The following AKAP12 variants were observed in gnomAD, a reference collection of about 807,000 sequenced individuals.
AKAP12 encodes the protein A-kinase anchoring protein 12.
A neutral mutation model predicts 79.9 loss-of-function variants in AKAP12; 32 were observed. The ratio of observed to expected loss-of-function variants is 0.40; its 90% CI spans 0.30 to 0.54. AKAP12 has a LOEUF of 0.54. Among genes scored for constraint, AKAP12 ranks in the 20% least tolerant of loss-of-function variants. The pLI is 0.48. For missense variants in AKAP12, 2,074 were observed against 2,177.0 expected, an observed-to-expected ratio of 0.95 and a Z score of 0.94; for synonymous variants, 808 against 857.0, an observed-to-expected ratio of 0.94 and a Z score of 1.00.
intron 2 of AKAP12, among the ~76,000 whole-genome samples, chr6:151,271,010 G>C (rs77350351): frequency 6.6e-6 from 1 of 152,114 alleles, no homozygotes; most frequent in South Asian, 2.1e-4. Flanking sequence ...CTTCTAGTTT[G>C]GGGAGTTAGT....
chr6:151,319,527 G>GATAGATATAT (rs1777320712), intron 3 of AKAP12: 1 of 101,272 alleles, frequency 9.9e-6, no homozygotes, highest in African/African-American at 4.0e-5. Flanking sequence ...TCTCTATATA[G>GATAGATATAT]ATATATATAT....
chr6:151,248,625 A>T (rs375456807), intron 2 of AKAP12, among the ~76,000 whole-genome samples: 6 of 152,162 alleles, frequency 3.9e-5, no homozygotes, highest in African/African-American at 1.4e-4. Flanking sequence ...TTTCCTTCAC[A>T]CATCTGGAGG....
At chr6:151,275,473 C>T (rs756052435) in intron 2 of AKAP12, among the ~76,000 whole-genome samples, 4 of 152,054 alleles carry the variant, frequency 2.6e-5, no homozygotes, top group Non-Finnish European at 5.9e-5. Context: ...ACAAATCTAC[C>T]CTCCAAGAAG....
chr6:151,264,368 T>TAA lies in AKAP12; in HGVS notation c.162+23663_162+23664dup, dbSNP rs11324571. On this transcript the variant is annotated intron_variant, in intron 2 of 4. Coordinates refer to ENST00000402676, the MANE Select transcript of AKAP12 (RefSeq NM_005100.4). ...TATACCTGGCCAAGACCCCACCTCT[T>TAA]AAAAAAAAAAAAAAAAAAAAGCTTG... Among the ~76,000 whole-genome samples, 47 of 104,692 alleles carry TAA rather than the reference T, an allele frequency of 4.5e-4. No individual in the cohort carries two copies. In the South Asian group the frequency reaches 6.3e-3, roughly 14 times the overall value. The allele number at this position is 104,692 out of a possible 152,430, so 68.7% of individuals were successfully genotyped here.
intron 2 of AKAP12, among the ~76,000 whole-genome samples, chr6:151,266,139 C>T (rs1797545250): frequency 6.6e-6 from 1 of 152,214 alleles, no homozygotes; most frequent in Non-Finnish European, 1.5e-5. Context: ...TCTCCTTGGC[C>T]TTGCCAGGGT....
Position 151,240,594 on chromosome 6 carries a change from G to C in AKAP12, c.32G>C (p.Ser11Thr), listed in dbSNP as rs1242548889. 7 of 1,428,278 alleles carry C rather than the reference G, an allele frequency of 4.9e-6. No homozygotes were observed. The African/African-American group carries it at 9.0e-5, about 18-fold the overall frequency. The allele number at this position is 1,428,278 out of a possible 1,614,324, so 88.5% of individuals were successfully genotyped here. The change falls in exon 2 of 5, where the codon AGC becomes ACC. Residue 11 changes from serine (S) to threonine (T), a missense_variant. This residue lies in a region of AKAP12 where 1,428 missense variants were observed against 1,451.0 expected (regional missense o/e 0.98). Coordinates refer to ENST00000402676, the MANE Select transcript of AKAP12 (RefSeq NM_005100.4). ...GCCGGGAGCTCCACCGAGCAGCGCA[G>C]CCCGGAGCAGCCGCCCGAGGGGAGC... MGAGSSTEQR[S>T]PEQPPEGSST...
At chr6:151,266,959 G>T (rs532472797) in intron 2 of AKAP12, among the ~76,000 whole-genome samples, 1 of 144,424 alleles carries the variant, frequency 6.9e-6, no homozygotes, top group African/African-American at 2.6e-5. Context: ...GGAGCCTGCC[G>T]TGAGCCGAGA....
At chr6:151,258,758 A>G (rs1022271866) in intron 2 of AKAP12, among the ~76,000 whole-genome samples, 5 of 150,284 alleles carry the variant, frequency 3.3e-5, no homozygotes, top group African/African-American at 1.2e-4. Flanking sequence ...CCTCCTGAGT[A>G]GCTGGGCTTA....
At chr6:151,240,802 ATTTCCGCC>A (rs2114669506) in intron 2 of AKAP12, 78 bp downstream of exon 2, 1 of 971,020 alleles carries the variant, frequency 1.0e-6, no homozygotes, top group East Asian at 4.1e-5. Context: ...GGTCCCTCCG[ATTTCCGCC>A]GAGAGAACTT....
At chr6:151,312,684 T>A (rs557112455) in intron 3 of AKAP12, among the ~76,000 whole-genome samples, 2 of 149,382 alleles carry the variant, frequency 1.3e-5, no homozygotes, top group Non-Finnish European at 3.0e-5. Context: ...CCCAGCCACT[T>A]GGGAGGCTGA....
intron 3 of AKAP12, chr6:151,324,633 T>C (rs1777479029): frequency 1.0e-6 from 1 of 985,376 alleles, no homozygotes; most frequent in African/African-American, 1.7e-5. Context: ...CCTTTTTGTT[T>C]GTGTAGGGGA....
Position 151,350,982 on chromosome 6 carries a change from A to G in AKAP12, c.2591A>G (p.Gln864Arg). The change falls in exon 4 of 5, where the codon CAA (glutamine) becomes CGA (arginine). Residue 864 changes from glutamine (Q) to arginine (R), a missense_variant. Gln to Arg is a conservative substitution (Grantham distance 43, BLOSUM62 1). This residue lies in a region of AKAP12 where 1,428 missense variants were observed against 1,451.0 expected (regional missense o/e 0.98). Transcript: ENST00000402676. The surrounding 1 kb of genome is among the most constrained non-coding windows in gnomAD (Gnocchi z 4.8). ...GAAAGGGAGAAAATGGAGGCACAGC[A>G]AGCCCAAAAAAGCGCAGAGCAGCCC... ...AVEREKMEAQ[Q>R]AQKSAEQPEQ... is the part of the protein sequence containing the mutation. The G allele has an allele frequency of 6.2e-7, 1 of 1,614,058 alleles. No homozygotes were observed. The highest frequency in any genetic ancestry group is 1.1e-5 in the South Asian group (1 of 91,076).
chr6:151,252,289 C>T (rs996827213), intron 2 of AKAP12, among the ~76,000 whole-genome samples: 6 of 151,918 alleles, frequency 3.9e-5, no homozygotes, highest in Non-Finnish European at 7.4e-5. Context: ...CCCCCGCCTC[C>T]CGGGTTCAAG....
intron 2 of AKAP12, among the ~76,000 whole-genome samples, chr6:151,247,139 A>G (rs374219230): frequency 6.6e-6 from 1 of 151,930 alleles, no homozygotes; most frequent in South Asian, 2.1e-4. Context: ...GTGGGGGCTC[A>G]CACCTGTAAT....
In AKAP12 at chr6:151,351,573, G is replaced by A; in HGVS notation, c.3182G>A (p.Gly1061Glu). The change falls in exon 4 of 5, where the codon GGG becomes GAG. Residue 1061 changes from glycine to glutamate, a missense_variant. Coordinates refer to ENST00000402676, the MANE Select transcript of AKAP12 (RefSeq NM_005100.4). The surrounding 1 kb of genome is among the most constrained non-coding windows in gnomAD (Gnocchi z 4.4). ...KEESQLPGTG[G>E]PEDVLQPVQR... ...GAATCCCAGCTGCCTGGCACCGGTG[G>A]GCCAGAAGATGTGCTTCAGCCTGTG... is the stretch of plus-strand genomic sequence containing the variant. 6.2e-7 allele frequency: 1 copy of A among 1,614,138 alleles called. No homozygotes were observed. The highest frequency in any genetic ancestry group is 2.2e-5 in the East Asian group (1 of 44,884).
intron 3 of AKAP12, among the ~76,000 whole-genome samples, chr6:151,339,774 G>T (rs1777902249): frequency 6.6e-6 from 1 of 152,072 alleles, no homozygotes; most frequent in Non-Finnish European, 1.5e-5. Flanking sequence ...GGCAGCCACT[G>T]CTCTTTTTAC....
Position 151,264,131 on chromosome 6 carries a change from A to G in AKAP12, c.162+23407A>G, listed in dbSNP as rs575991568. Among the ~76,000 whole-genome samples, 147 of 152,244 alleles carry G rather than the reference A, an allele frequency of 9.7e-4. 4 individuals carry two copies. In the South Asian group the frequency reaches 0.029, roughly 30 times the overall value. On this transcript the variant is annotated intron_variant, in intron 2 of 4. Coordinates refer to ENST00000402676, the MANE Select transcript of AKAP12 (RefSeq NM_005100.4). The stretch of plus-strand genomic sequence containing the variant: ...AGAAGGGATTGAATAAAAGAAAGGA[A>G]GAGAATGGAGAACATCCGCTTGGCT...
intron 3 of AKAP12, among the ~76,000 whole-genome samples, chr6:151,307,601 TC>T (rs1368084745): frequency 6.6e-6 from 1 of 152,208 alleles, no homozygotes; most frequent in Non-Finnish European, 1.5e-5. Flanking sequence ...ACAGTTTTTT[TC>T]ATAGAATCCC....
In AKAP12 at chr6:151,352,793, C is replaced by T. The variant is rs377666663; in HGVS notation, c.4402C>T (p.Pro1468Ser). 4 of 1,614,142 alleles carry T rather than the reference C, an allele frequency of 2.5e-6. No individual in the cohort carries two copies. Among genetic ancestry groups the T allele is most frequent in the African/African-American group, 2.7e-5 (2 of 75,008 alleles). Residue 1468 changes from proline (P) to serine (S), a missense_variant, in exon 4 of 5, where the codon CCA (proline) becomes TCA (serine). Transcript: ENST00000402676. ...SEKNEDFAAH[P>S]GEDAVPTGPD... ...AAAAAATGAAGACTTTGCCGCTCATCCAGGGGAAGATGCTGTGCCCACAGG... is the reference window on the plus strand; with the variant it reads ...AAAAAATGAAGACTTTGCCGCTCATTCAGGGGAAGATGCTGTGCCCACAGG...
Sources: allele counts gnomAD v4.1 joint callset (sites outside exome capture counted in the v4.1 genomes callset), GRCh38; gene constraint gnomAD v4.1.1; regional missense constraint gnomAD v4.1.1; non-coding constraint Gnocchi (gnomAD v3.1); transcripts MANE v1.5; gene names NCBI Gene and HGNC (gene_info 2026-07-23, HGNC 2026-07-21).